HDAC4: variants seen among roughly 807,000 people sequenced by gnomAD.
HDAC4 encodes histone deacetylase A.
In HDAC4, 16 loss-of-function variants were observed where a neutral mutation model predicts 135.1. That is an observed-to-expected ratio of 0.12 (90% confidence interval 0.08 to 0.18). The LOEUF is 0.18. Among genes scored for constraint, HDAC4 ranks in the 10% least tolerant of loss-of-function variants. HDAC4 has a pLI of 1.00. For synonymous variants in HDAC4, 685 were observed against 653.4 expected (o/e 1.05, Z -0.74); for missense variants, 1,143 against 1,511.8 (o/e 0.76, Z 4.05).
intron 2 of HDAC4, among the ~76,000 whole-genome samples, chr2:239,252,544 C>T (rs1241654008): frequency 6.6e-6 from 1 of 152,190 alleles, no homozygotes; most frequent in African/African-American, 2.4e-5. Context: ...AATCAAAAGG[C>T]ACGAGGGAAA....
At chr2:239,241,786 T>C (rs182308345) in intron 2 of HDAC4, among the ~76,000 whole-genome samples, 15 of 152,272 alleles carry the variant, frequency 9.9e-5, no homozygotes, top group Non-Finnish European at 1.6e-4. Flanking sequence ...CAGCCAAATG[T>C]CCCCTCAGTG....
At chr2:239,187,044 A>G (rs1350768345) in intron 4 of HDAC4, 1 of 152,662 alleles carries the variant, frequency 6.6e-6, no homozygotes, top group Non-Finnish European at 1.5e-5. Flanking sequence ...TGCACTGTGA[A>G]TGCTCCAGGT....
intron 7 of HDAC4, among the ~76,000 whole-genome samples, chr2:239,150,123 A>T (rs529139495): frequency 6.6e-6 from 1 of 152,330 alleles, no homozygotes; most frequent in East Asian, 1.9e-4. Flanking sequence ...TATAATATTA[A>T]TTAAAAATAA....
rs2052633290 is a variant in HDAC4, at chr2:239,307,104, GGC to G, written c.22+45572_22+45573del. Among the ~76,000 whole-genome samples the G allele has an allele frequency of 6.6e-6, 1 of 152,100 alleles. No individual in the cohort carries two copies. Among genetic ancestry groups the G allele is most frequent in the East Asian group, 1.9e-4 (1 of 5,156 alleles). On this transcript the variant is annotated intron_variant, in intron 2 of 26. Coordinates refer to ENST00000543185, the MANE Select transcript of HDAC4 (RefSeq NM_001378414.1). The surrounding 1 kb of genome is among the most constrained non-coding windows in gnomAD (Gnocchi z 4.8). ...CGAGTCGTCCGGATGGCCCATCTCA[GGC>G]CACACCCTCCAGCTCTGTGCCTGCC... is the stretch of plus-strand genomic sequence containing the variant.
In HDAC4 at chr2:239,107,522, G is replaced by A. The variant is rs371891671; in HGVS notation, c.2112+528C>T. Among the ~76,000 whole-genome samples the A allele has an allele frequency of 5.3e-5, 8 of 152,344 alleles. No individual in the cohort carries two copies. The East Asian group carries it at 7.7e-4, about 15-fold the overall frequency. Reference sequence around the variant, plus strand: ...CATTCCCTTCACGACCCACTGCCTCGCCAGCACCTTAACTCTGAGGAGGGC... The same window carrying A: ...CATTCCCTTCACGACCCACTGCCTCACCAGCACCTTAACTCTGAGGAGGGC... On this transcript the variant is annotated intron_variant, in intron 15 of 26. Transcript: ENST00000543185.
chr2:239,160,368 C>T (rs761177684), intron 6 of HDAC4, among the ~76,000 whole-genome samples: 6 of 152,222 alleles, frequency 3.9e-5, no homozygotes, highest in South Asian at 2.1e-4. Flanking sequence ...TCGGGAGCCA[C>T]GTGTGGCTTG....
chr2:239,248,037 A>G (rs931139035), intron 2 of HDAC4, among the ~76,000 whole-genome samples: 1 of 152,182 alleles, frequency 6.6e-6, no homozygotes, highest in Non-Finnish European at 1.5e-5. Context: ...CCCAGCGCCC[A>G]TAACACTCGG....
intron 11 of HDAC4, among the ~76,000 whole-genome samples, chr2:239,127,666 C>T (rs1258709963): frequency 2.0e-5 from 3 of 152,248 alleles, no homozygotes; most frequent in Non-Finnish European, 4.4e-5. Context: ...AAGGAAGTAA[C>T]CACACCAGCT....
intron 2 of HDAC4, among the ~76,000 whole-genome samples, chr2:239,328,702 G>C (rs146901307): frequency 9.9e-5 from 15 of 152,280 alleles, no homozygotes; most frequent in African/African-American, 3.4e-4. Flanking sequence ...TGCCAGGCTC[G>C]GCACCTCTGA....
chr2:239,219,613 TATA>T (rs1335333648), intron 3 of HDAC4, among the ~76,000 whole-genome samples: 14 of 151,574 alleles, frequency 9.2e-5, no homozygotes, highest in African/African-American at 3.4e-4. Context: ...AAACTTAAAG[TATA>T]ATAATAATAA....
intron 1 of HDAC4, among the ~76,000 whole-genome samples, chr2:239,369,277 C>T (rs1035816330): frequency 6.6e-6 from 1 of 152,128 alleles, no homozygotes; most frequent in Non-Finnish European, 1.5e-5. Context: ...GTTTTGGGTC[C>T]CAATAAATGG....
rs973934703 is a variant in HDAC4 at position 239,167,984 on chromosome 2, G to A, written c.491-4061C>T. Reference sequence around the variant, plus strand: ...CGGGGCGGGGCAGGTGGGGAGGGACGGCTGTGTTCGGGGAGGGACGGCTGT... The same window carrying A: ...CGGGGCGGGGCAGGTGGGGAGGGACAGCTGTGTTCGGGGAGGGACGGCTGT... On this transcript the variant is annotated intron_variant, in intron 5 of 26. Coordinates refer to ENST00000543185, the MANE Select transcript of HDAC4 (RefSeq NM_001378414.1). The surrounding 1 kb of genome is among the most constrained non-coding windows in gnomAD (Gnocchi z 4.1). Among the ~76,000 whole-genome samples the A allele has an allele frequency of 2.0e-5, 3 of 152,082 alleles. No homozygotes were observed. The highest frequency in any genetic ancestry group is 3.4e-3 in the Middle Eastern group (1 of 294).
intron 1 of HDAC4, among the ~76,000 whole-genome samples, chr2:239,360,604 G>T (rs988849730): frequency 1.3e-5 from 2 of 152,186 alleles, no homozygotes; most frequent in Non-Finnish European, 2.9e-5. Context: ...CCGGACTCTG[G>T]CTTGGAAAAA....
intron 1 of HDAC4, among the ~76,000 whole-genome samples, chr2:239,378,103 G>A (rs1009786410): frequency 3.3e-5 from 5 of 152,246 alleles, no homozygotes; most frequent in Non-Finnish European, 5.9e-5. Flanking sequence ...GAATGCCAGC[G>A]GCAGGTGGGT....
intron 3 of HDAC4, among the ~76,000 whole-genome samples, chr2:239,210,290 T>A (rs1174470405): frequency 6.6e-6 from 1 of 151,988 alleles, no homozygotes; most frequent in Non-Finnish European, 1.5e-5. Flanking sequence ...CGTAAATGAA[T>A]CTTAGAAACA....
intron 24 of HDAC4, among the ~76,000 whole-genome samples, chr2:239,056,795 T>C (rs1176237216): frequency 1.3e-5 from 2 of 152,192 alleles, no homozygotes; most frequent in African/African-American, 2.4e-5. Flanking sequence ...AACATCACTC[T>C]CAGCAAATGA....
intron 2 of HDAC4, among the ~76,000 whole-genome samples, chr2:239,300,305 T>C (rs2052175636): frequency 6.6e-6 from 1 of 152,128 alleles, no homozygotes; most frequent in Non-Finnish European, 1.5e-5. Context: ...TTCCTGAGAG[T>C]GCGCTGTAGG....
chr2:239,140,663 T>C (rs2041299073), intron 8 of HDAC4, among the ~76,000 whole-genome samples: 1 of 152,246 alleles, frequency 6.6e-6, no homozygotes, highest in African/African-American at 2.4e-5. Context: ...GCAACGACTC[T>C]GGGTGCTCAG....
rs753485803 is a variant in HDAC4 at position 239,269,129 on chromosome 2, ACATT to A, written c.23-32469_23-32466del. Among the ~76,000 whole-genome samples, 9 of 152,136 alleles carry A rather than the reference ACATT, an allele frequency of 5.9e-5. No homozygotes were observed. In the East Asian group the frequency reaches 7.7e-4, roughly 13 times the overall value. On this transcript the variant is annotated intron_variant, in intron 2 of 26. Coordinates refer to ENST00000543185, the MANE Select transcript of HDAC4 (RefSeq NM_001378414.1). ...GCACCCCCATCATTCAGACGTACAT[ACATT>A]CATTATCTACATACATTCATACATC...
Sources: allele counts gnomAD v4.1 joint callset (sites outside exome capture counted in the v4.1 genomes callset), GRCh38; gene constraint gnomAD v4.1.1; non-coding constraint Gnocchi (gnomAD v3.1); transcripts MANE v1.5; gene names NCBI Gene and HGNC (gene_info 2026-07-23, HGNC 2026-07-21).